The following FOXR2 variants were observed in gnomAD, a reference collection of about 807,000 sequenced individuals.
FOXR2 encodes the protein forkhead box protein R2.
For missense variants in FOXR2, 234 were observed against 227.1 expected, an observed-to-expected ratio of 1.03 and a Z score of -0.20; for synonymous variants, 109 against 84.1, an observed-to-expected ratio of 1.30 and a Z score of -1.62.
Position 55,623,988 on chromosome X carries a change from C to G in FOXR2, c.277C>G (p.Gln93Glu), listed in dbSNP as rs775539436. The G allele has an allele frequency of 8.3e-7, 1 of 1,211,541 alleles. No individual in the cohort carries two copies. Among genetic ancestry groups the G allele is most frequent in the Non-Finnish European group, 1.1e-6 (1 of 895,413 alleles). ...CAATATCCTGTGCCCCCTTGGCAGC[C>G]AGGAGGCCCCAAAGCCCAGTGGAAA... ...DPNILCPLGS[Q>E]EAPKPSGKED... is the part of the protein sequence containing the mutation. Residue 93 changes from glutamine to glutamate, a missense_variant, in exon 1 of 1, where the codon CAG becomes GAG. Physicochemically the swap from Gln to Glu is conservative, Grantham distance 29. Transcript: ENST00000339140.
chrX:55,624,796 G>A lies in FOXR2; in HGVS notation c.*149G>A. The A allele has an allele frequency of 2.1e-6, 1 of 482,824 alleles. No homozygotes were observed. The highest frequency in any genetic ancestry group is 3.5e-5 in the South Asian group (1 of 28,406). 39.8% of individuals were successfully genotyped at this position (482,824 alleles called of 1,213,427 possible). A position where few individuals can be genotyped will look rare whatever the true frequency, so the allele number is the denominator to read the frequency against. ...ATAATGGTGTTAAGTAAAGTTAGAG[G>A]TGGGTACAGGGGAGACAGAACTTAA... On this transcript the variant is annotated 3_prime_UTR_variant, in exon 1 of 1. Transcript: ENST00000339140.
chrX:55,625,875 T>C lies in FOXR2; in HGVS notation c.*1228T>C. Among the ~76,000 whole-genome samples the C allele has an allele frequency of 8.9e-6, 1 of 112,202 alleles. No individual in the cohort carries two copies. The highest frequency in any genetic ancestry group is 1.9e-5 in the Non-Finnish European group (1 of 53,277). Reference sequence around the variant, plus strand: ...ATCAGATTTAAGCATAGCTTTTTGCTTCAATGATATTAACATATATCCAGG... The same window carrying C: ...ATCAGATTTAAGCATAGCTTTTTGCCTCAATGATATTAACATATATCCAGG... On this transcript the variant is annotated 3_prime_UTR_variant, in exon 1 of 1. Transcript: ENST00000339140.
chrX:55,624,706 C>T lies in FOXR2; in HGVS notation c.*59C>T. The T allele has an allele frequency of 1.1e-6, 1 of 921,001 alleles. No individual in the cohort carries two copies. Among genetic ancestry groups the T allele is most frequent in the Non-Finnish European group, 1.5e-6 (1 of 653,760 alleles). 75.9% of individuals were successfully genotyped at this position (921,001 alleles called of 1,213,427 possible). On this transcript the variant is annotated 3_prime_UTR_variant, in exon 1 of 1. Transcript: ENST00000339140. ...CTTACTGTGCCTACTTATCCCCTGA[C>T]ATTCATTAATCTCTAAACTTACCCA...
rs1321844863 is a variant in FOXR2 at position 55,625,335 on chromosome X, C to A, written c.*688C>A. Reference sequence around the variant, plus strand: ...GCTTTATTTTCTATTATTTTTAGTTCTCAAGATTTTATTGAGGATATGCTA... The same window carrying A: ...GCTTTATTTTCTATTATTTTTAGTTATCAAGATTTTATTGAGGATATGCTA... On this transcript the variant is annotated 3_prime_UTR_variant, in exon 1 of 1. Coordinates refer to ENST00000339140, the MANE Select transcript of FOXR2 (RefSeq NM_198451.4). 3 of 121,084 alleles carry A rather than the reference C, an allele frequency of 2.5e-5. No homozygotes were observed. The highest frequency in any genetic ancestry group is 5.6e-5 in the Non-Finnish European group (3 of 53,117). 10.0% of individuals were successfully genotyped at this position (121,084 alleles called of 1,213,427 possible). A position where few individuals can be genotyped will look rare whatever the true frequency, so the allele number is the denominator to read the frequency against.
chrX:55,624,681 C>T lies in FOXR2; in HGVS notation c.*34C>T. On this transcript the variant is annotated 3_prime_UTR_variant, in exon 1 of 1. Transcript: ENST00000339140. ...TGCTCCCTTTTGGAACACTGCCTTC[C>T]TTACTGTGCCTACTTATCCCCTGAC... 9.7e-7 allele frequency: 1 copy of T among 1,034,645 alleles called. No individual in the cohort carries two copies. The allele number at this position is 1,034,645 out of a possible 1,213,427, so 85.3% of individuals were successfully genotyped here. A position where few individuals can be genotyped will look rare whatever the true frequency, so the allele number is the denominator to read the frequency against.
chrX:55,624,668 G>T lies in FOXR2; in HGVS notation c.*21G>T, dbSNP rs1357031030. 1 of 1,106,616 alleles carries T rather than the reference G, an allele frequency of 9.0e-7. No homozygotes were observed. 91.2% of individuals were successfully genotyped at this position (1,106,616 alleles called of 1,213,427 possible). On this transcript the variant is annotated 3_prime_UTR_variant, in exon 1 of 1. Coordinates refer to ENST00000339140, the MANE Select transcript of FOXR2 (RefSeq NM_198451.4). ...TTTGAAATGCCATTGCTCCCTTTTG[G>T]AACACTGCCTTCCTTACTGTGCCTA...
At position 55,624,633 on chromosome X, in the gene FOXR2, C is replaced by G. The variant is rs2032326198; in HGVS notation, c.922C>G (p.Leu308Val). 8.4e-7 allele frequency: 1 copy of G among 1,196,977 alleles called. No individual in the cohort carries two copies. Among genetic ancestry groups the G allele is most frequent in the East Asian group, 3.0e-5 (1 of 33,627 alleles). The change falls in exon 1 of 1, where the codon CTC (leucine) becomes GTC (valine). Residue 308 changes from leucine to valine, a missense_variant. Leu to Val is a conservative substitution (Grantham distance 32). Transcript: ENST00000339140. ...GAGTCAGCCAGAGTTGTTGACCTCT[C>G]TCTTTGATCTTTGAAATGCCATTGC... The part of the protein sequence containing the change: ...CMSQPELLTS[L>V]FDL
Position 55,624,500 on chromosome X carries a change from A to G in FOXR2, c.789A>G (p.Ala263=), listed in dbSNP as rs1455987423. The change falls in exon 1 of 1, where the codon GCA becomes GCG. Residue 263 remains alanine, a synonymous_variant. Coordinates refer to ENST00000339140, the MANE Select transcript of FOXR2 (RefSeq NM_198451.4). ...ACAGCCTTAAGGATGAAGATAATGC[A>G]AGACCTCGCTCTTGCCTTTGGAAGC... ...VPDSLKDEDN[A]RPRSCLWKLT... is the part of the protein sequence containing the mutation. 8.3e-7 allele frequency: 1 copy of G among 1,210,471 alleles called. No individual in the cohort carries two copies. Among genetic ancestry groups the G allele is most frequent in the African/African-American group, 1.7e-5 (1 of 57,417 alleles).
chrX:55,625,490 G>A lies in FOXR2; in HGVS notation c.*843G>A, dbSNP rs2032333801. Among the ~76,000 whole-genome samples the A allele has an allele frequency of 9.0e-6, 1 of 111,190 alleles. No homozygotes were observed. The highest frequency in any genetic ancestry group is 9.6e-5 in the Admixed American group (1 of 10,379). ...ATGGAAATGGGGAGACATTCTTCCT[G>A]GGAAAGACATGAAAGGGCATTGGAA... On this transcript the variant is annotated 3_prime_UTR_variant, in exon 1 of 1. Coordinates refer to ENST00000339140, the MANE Select transcript of FOXR2 (RefSeq NM_198451.4).
rs369383886 is a variant in FOXR2, at chrX:55,624,062, C to T, written c.351C>T (p.Asp117=). The change falls in exon 1 of 1, where the codon GAC becomes GAT. Residue 117 remains aspartate, a synonymous_variant. Coordinates refer to ENST00000339140, the MANE Select transcript of FOXR2 (RefSeq NM_198451.4). The part of the protein sequence containing the change: ...ISPFPQPPQK[D]EGSNCSEDKV... Reference sequence around the variant, plus strand: ...CTTTCCCTCAGCCCCCACAAAAAGACGAAGGGTCTAACTGCTCAGAGGACA... The same window carrying T: ...CTTTCCCTCAGCCCCCACAAAAAGATGAAGGGTCTAACTGCTCAGAGGACA... 3 of 1,211,520 alleles carry T rather than the reference C, an allele frequency of 2.5e-6. No individual in the cohort carries two copies. The highest frequency in any genetic ancestry group is 1.8e-5 in the South Asian group (1 of 56,972).
rs776957126 is a variant in FOXR2 at position 55,624,166 on chromosome X, T to C, written c.455T>C (p.Phe152Ser). The C allele has an allele frequency of 8.3e-6, 10 of 1,211,515 alleles. No homozygotes were observed. In the Admixed American group the frequency reaches 2.0e-4, roughly 24 times the overall value. ...CAGGGTATCCATTCCCCCAGTGACT[T>C]TGAGCTCACAGAAGAGGAGGCTGAG... Reference protein sequence around the residue: ...QKQGIHSPSDFELTEEEAEEP... With the variant: ...QKQGIHSPSDSELTEEEAEEP... The change falls in exon 1 of 1, where the codon TTT (phenylalanine) becomes TCT (serine). Residue 152 changes from phenylalanine to serine, a missense_variant. Coordinates refer to ENST00000339140, the MANE Select transcript of FOXR2 (RefSeq NM_198451.4).
Position 55,624,093 on chromosome X carries a change from G to A in FOXR2, c.382G>A (p.Val128Ile), listed in dbSNP as rs377391150. 44 of 1,210,301 alleles carry A rather than the reference G, an allele frequency of 3.6e-5. No individual in the cohort carries two copies. Among genetic ancestry groups the A allele is most frequent in the Non-Finnish European group, 4.9e-5 (44 of 895,295 alleles). The change falls in exon 1 of 1, where the codon GTA becomes ATA. Residue 128 changes from valine (V) to isoleucine (I), a missense_variant. Val to Ile is a conservative substitution (Grantham distance 29). Transcript: ENST00000339140. Reference protein sequence around the residue: ...EGSNCSEDKVVESLPSSSSEQ... With the variant: ...EGSNCSEDKVIESLPSSSSEQ... ...GTCTAACTGCTCAGAGGACAAAGTG[G>A]TAGAGTCTCTGCCATCTTCCTCCAG...
Position 55,625,283 on chromosome X carries a change from A to G in FOXR2, c.*636A>G, listed in dbSNP as rs1318272874. On this transcript the variant is annotated 3_prime_UTR_variant, in exon 1 of 1. Coordinates refer to ENST00000339140, the MANE Select transcript of FOXR2 (RefSeq NM_198451.4). ...TTAACGTCCTGTGAAATATTCCTGT[A>G]TTAACCCCAAGCCTTTTGATGATAA... 8.1e-6 allele frequency: 1 copy of G among 123,232 alleles called. No individual in the cohort carries two copies. Among genetic ancestry groups the G allele is most frequent in the African/African-American group, 3.2e-5 (1 of 30,841 alleles). The allele number at this position is 123,232 out of a possible 1,213,427, so 10.2% of individuals were successfully genotyped here. A position where few individuals can be genotyped will look rare whatever the true frequency, so the allele number is the denominator to read the frequency against.
In FOXR2 at chrX:55,624,508, G is replaced by C; in HGVS notation, c.797G>C (p.Arg266Pro). 8.3e-7 allele frequency: 1 copy of C among 1,211,635 alleles called. No individual in the cohort carries two copies. Residue 266 changes from arginine to proline, a missense_variant, in exon 1 of 1, where the codon CGC becomes CCC. Coordinates refer to ENST00000339140, the MANE Select transcript of FOXR2 (RefSeq NM_198451.4). Reference sequence around the variant, plus strand: ...AAGGATGAAGATAATGCAAGACCTCGCTCTTGCCTTTGGAAGCTCACTAAG... The same window carrying C: ...AAGGATGAAGATAATGCAAGACCTCCCTCTTGCCTTTGGAAGCTCACTAAG... ...SLKDEDNARP[R>P]SCLWKLTKEG...
Position 55,624,204 on chromosome X carries a change from A to T in FOXR2, c.493A>T (p.Asn165Tyr), listed in dbSNP as rs773519907. 1 of 1,211,664 alleles carries T rather than the reference A, an allele frequency of 8.3e-7. No individual in the cohort carries two copies. Among genetic ancestry groups the T allele is most frequent in the Non-Finnish European group, 1.1e-6 (1 of 895,472 alleles). The change falls in exon 1 of 1, where the codon AAC becomes TAC. Residue 165 changes from asparagine (N) to tyrosine (Y), a missense_variant. Coordinates refer to ENST00000339140, the MANE Select transcript of FOXR2 (RefSeq NM_198451.4). ...TEEEAEEPDD[N>Y]SLQSPEMKCY... ...AGAGGAGGCTGAGGAACCAGACGAC[A>T]ACTCCCTCCAGTCCCCTGAAATGAA...
Position 55,624,318 on chromosome X carries a change from C to T in FOXR2, c.607C>T (p.Leu203=), listed in dbSNP as rs779040420. 24 of 1,211,847 alleles carry T rather than the reference C, an allele frequency of 2.0e-5. No individual in the cohort carries two copies. Among genetic ancestry groups the T allele is most frequent in the Non-Finnish European group, 2.5e-5 (22 of 895,271 alleles). Residue 203 remains leucine, a synonymous_variant, in exon 1 of 1, where the codon CTA becomes TTA. Transcript: ENST00000339140. ...PPLNCSHLIA[L]ALRNNPHCGL... is the part of the protein sequence containing the mutation. ...TCTCAATTGTAGCCACCTTATTGCC[C>T]TAGCATTAAGAAACAACCCCCACTG...
rs2032330977 is a variant in FOXR2, at chrX:55,625,191, T to C, written c.*544T>C. On this transcript the variant is annotated 3_prime_UTR_variant, in exon 1 of 1. Coordinates refer to ENST00000339140, the MANE Select transcript of FOXR2 (RefSeq NM_198451.4). ...ATTTCTGGCCCTGGACTTCTAAGCC[T>C]TGTTTCTTTGTCATCCAATTCCAAT... The C allele has an allele frequency of 8.1e-6, 1 of 124,034 alleles. No individual in the cohort carries two copies. The highest frequency in any genetic ancestry group is 9.5e-5 in the Admixed American group (1 of 10,541). 10.2% of individuals were successfully genotyped at this position (124,034 alleles called of 1,213,427 possible). A position where few individuals can be genotyped will look rare whatever the true frequency, so the allele number is the denominator to read the frequency against.
Position 55,624,179 on chromosome X carries a change from AGAG to A in FOXR2, c.473_475del (p.Glu158del), listed in dbSNP as rs1395712530. On this transcript the variant is annotated inframe_deletion, in exon 1 of 1. Transcript: ENST00000339140. ...CCCCCAGTGACTTTGAGCTCACAGAAGAGGAGGCTGAGGAACCAGACGACAACT... is the reference window on the plus strand; with the variant it reads ...CCCCCAGTGACTTTGAGCTCACAGAAGAGGCTGAGGAACCAGACGACAACT... 7 of 1,210,325 alleles carry A rather than the reference AGAG, an allele frequency of 5.8e-6. No individual in the cohort carries two copies. The highest frequency in any genetic ancestry group is 6.7e-6 in the Non-Finnish European group (6 of 895,271).
At position 55,626,083 on chromosome X, in the gene FOXR2, C is replaced by T. The variant is rs1040628662; in HGVS notation, c.*1436C>T. ...ATATTTAGGTTAAATCACAAAACAA[C>T]ATATGCAAACAGTATTTTTTGAAAA... is the stretch of plus-strand genomic sequence containing the variant. On this transcript the variant is annotated 3_prime_UTR_variant, in exon 1 of 1. Coordinates refer to ENST00000339140, the MANE Select transcript of FOXR2 (RefSeq NM_198451.4). Among the ~76,000 whole-genome samples, 3 of 111,600 alleles carry T rather than the reference C, an allele frequency of 2.7e-5. No individual in the cohort carries two copies. The highest frequency in any genetic ancestry group is 5.6e-5 in the Non-Finnish European group (3 of 53,110).
Sources: allele counts gnomAD v4.1 joint callset (sites outside exome capture counted in the v4.1 genomes callset), GRCh38; gene constraint gnomAD v4.1.1; transcripts MANE v1.5; gene names NCBI Gene and HGNC (gene_info 2026-07-23, HGNC 2026-07-21).